Variants in UBAC1 observed in about 807,000 individuals in gnomAD.
UBAC1 encodes ubiquitin-associated domain-containing protein 1.
Under a neutral mutation model 45.9 loss-of-function variants are expected in UBAC1, and 27 were observed. That is an observed-to-expected ratio of 0.59 (90% CI 0.43 to 0.81). UBAC1 has a LOEUF of 0.81. Among genes scored for constraint, UBAC1 ranks in the 30% least tolerant of loss-of-function variants. The pLI, the probability that UBAC1 is intolerant of heterozygous loss-of-function variation, is 0.00. For missense variants in UBAC1, 529 were observed against 539.2 expected (o/e 0.98, Z 0.19); for synonymous variants, 227 against 215.5 (o/e 1.05, Z -0.47).
intron 1 of UBAC1, among the ~76,000 whole-genome samples, chr9:135,958,844 T>C (rs1839498018): frequency 6.6e-6 from 1 of 152,214 alleles, no homozygotes; most frequent in African/African-American, 2.4e-5. Context: ...GAAATGTATG[T>C]CGGCTCTTGC....
At chr9:135,936,394 T>C (rs1839203247) in intron 9 of UBAC1, among the ~76,000 whole-genome samples, 1 of 152,158 alleles carries the variant, frequency 6.6e-6, no homozygotes, top group African/African-American at 2.4e-5. Context: ...CACATACTTC[T>C]AGGTAGATTA....
chr9:135,952,379 G>A (rs1438552915), intron 3 of UBAC1, among the ~76,000 whole-genome samples: 3 of 152,268 alleles, frequency 2.0e-5, no homozygotes, highest in African/African-American at 7.2e-5. Flanking sequence ...GTAATGCAAA[G>A]ACAGCAGAGG....
At chr9:135,955,052 C>G (rs1263339824) in intron 2 of UBAC1, among the ~76,000 whole-genome samples, 1 of 152,222 alleles carries the variant, frequency 6.6e-6, no homozygotes, top group Admixed American at 6.5e-5. Flanking sequence ...AAGCAAAATT[C>G]ACATTTGGCT....
At chr9:135,939,263 G>A (rs984123117) in intron 8 of UBAC1, among the ~76,000 whole-genome samples, 4 of 150,886 alleles carry the variant, frequency 2.7e-5, no homozygotes, top group Admixed American at 6.6e-5. Flanking sequence ...GTACATATAA[G>A]GCACCCTTTT....
chr9:135,935,440 G>A (rs539905017), intron 9 of UBAC1, among the ~76,000 whole-genome samples: 1 of 152,224 alleles, frequency 6.6e-6, no homozygotes, highest in African/African-American at 2.4e-5. Flanking sequence ...GAAGCCAGGA[G>A]TTCAAGACTA....
At chr9:135,958,673 T>C (rs2131096624) in intron 1 of UBAC1, among the ~76,000 whole-genome samples, 1 of 152,290 alleles carries the variant, frequency 6.6e-6, no homozygotes, top group Non-Finnish European at 1.5e-5. Flanking sequence ...CAGACCTCAC[T>C]GCCTACAGCA....
chr9:135,944,907 C>G, intron 7 of UBAC1, 121 bp downstream of exon 7: 5 of 1,009,856 alleles, frequency 5.0e-6, no homozygotes. Flanking sequence ...GCTTCTCTCT[C>G]TCCTGGGACA....
chr9:135,961,294 G>A lies in UBAC1; in HGVS notation c.-132C>T, dbSNP rs1331936138. 3 of 784,810 alleles carry A rather than the reference G, an allele frequency of 3.8e-6. No individual in the cohort carries two copies. Among genetic ancestry groups the A allele is most frequent in the Non-Finnish European group, 4.8e-6 (3 of 629,470 alleles). The allele number at this position is 784,810 out of a possible 1,614,324, so 48.6% of individuals were successfully genotyped here. On this transcript the variant is annotated 5_prime_UTR_variant, in exon 1 of 10. It adds an upstream start codon to the 5' untranslated region. Transcript: ENST00000371756. Reference sequence around the variant, plus strand: ...GGGCCGCCGCCCCGCCCCGGCTCCCGTCGGCCGGGCCGCCGTCACTCTCCG... The same window carrying A: ...GGGCCGCCGCCCCGCCCCGGCTCCCATCGGCCGGGCCGCCGTCACTCTCCG...
intron 3 of UBAC1, 97 bp from the exon 4 acceptor site, chr9:135,948,002 C>T (rs1025283019): frequency 6.8e-6 from 8 of 1,177,242 alleles, no homozygotes; most frequent in African/African-American, 4.6e-5. Flanking sequence ...AGAAAGACTC[C>T]GTCTCCTTTA....
intron 3 of UBAC1, among the ~76,000 whole-genome samples, chr9:135,952,599 C>T (rs1305655008): frequency 2.0e-5 from 3 of 152,236 alleles, no homozygotes; most frequent in African/African-American, 7.2e-5. Flanking sequence ...GAATCAATAA[C>T]GTGTGAGTGA....
intron 4 of UBAC1, 128 bp downstream of exon 4, chr9:135,947,670 C>G (rs904611544): frequency 1.4e-6 from 1 of 696,438 alleles, no homozygotes. Context: ...CCTACAGACC[C>G]GCTCACCGGC....
At chr9:135,957,661 T>C (rs1839483192) in intron 1 of UBAC1, among the ~76,000 whole-genome samples, 2 of 151,846 alleles carry the variant, frequency 1.3e-5, no homozygotes, top group Admixed American at 1.3e-4. Context: ...TGCTTGTACC[T>C]GATGCAACCT....
rs576245099 is a variant in UBAC1, at chr9:135,948,003, G to A, written c.334-98C>T. On this transcript the variant is annotated intron_variant, in intron 3 of 9. Coordinates refer to ENST00000371756, the MANE Select transcript of UBAC1 (RefSeq NM_016172.3). ...CGGAGCTCTGCCCAAGAAAGACTCCGTCTCCTTTAGGAGCCAGAGGTGTAA... is the reference window on the plus strand; with the variant it reads ...CGGAGCTCTGCCCAAGAAAGACTCCATCTCCTTTAGGAGCCAGAGGTGTAA... 987 of 1,144,452 alleles carry A rather than the reference G, an allele frequency of 8.6e-4. 4 individuals are homozygous for A. The African/African-American group carries it at 0.013, about 16-fold the overall frequency. 70.9% of individuals were successfully genotyped at this position (1,144,452 alleles called of 1,614,324 possible).
chr9:135,938,134 C>T, intron 9 of UBAC1, 88 bp downstream of exon 9: 6 of 1,543,082 alleles, frequency 3.9e-6, no homozygotes, highest in Admixed American at 1.9e-5. Context: ...CTGGATCCTC[C>T]GTATCGCCTC....
intron 9 of UBAC1, among the ~76,000 whole-genome samples, chr9:135,937,000 G>A (rs1208616191): frequency 1.3e-5 from 2 of 152,190 alleles, no homozygotes; most frequent in Non-Finnish European, 2.9e-5. Context: ...GAGAAAAGCA[G>A]GCCAAACGCT....
At chr9:135,940,455 C>T (rs1839257590) in intron 7 of UBAC1, among the ~76,000 whole-genome samples, 1 of 151,794 alleles carries the variant, frequency 6.6e-6, no homozygotes, top group Non-Finnish European at 1.5e-5. Context: ...TGGCAGGCGC[C>T]TGTAGTCCCA....
chr9:135,961,036 A>G lies in UBAC1; in HGVS notation c.127T>C (p.Cys43Arg). 1 of 1,567,188 alleles carries G rather than the reference A, an allele frequency of 6.4e-7. No homozygotes were observed. Among genetic ancestry groups the G allele is most frequent in the Non-Finnish European group, 8.6e-7 (1 of 1,162,312 alleles). ...DTSVEKLKER[C>R]LKHCAHGSLE... Reference sequence around the variant, plus strand: ...GGGCCCGGCCTTACGTGCTTGAGGCAGCGCTCCTTGAGCTTCTCCACCGAG... The same window carrying G: ...GGGCCCGGCCTTACGTGCTTGAGGCGGCGCTCCTTGAGCTTCTCCACCGAG... The change falls in exon 1 of 10, where the codon TGC becomes CGC. Residue 43 changes from cysteine (C) to arginine (R), a missense_variant. Coordinates refer to ENST00000371756, the MANE Select transcript of UBAC1 (RefSeq NM_016172.3).
Position 135,945,880 on chromosome 9 carries a change from C to A in UBAC1, c.653+9G>T. ...CTCCGGCAAGGGAAGGAGGTGGCCC[C>A]CCACGCACTGGTTCAGCTGAAGGGC... On this transcript the variant is annotated intron_variant, in intron 6 of 9. Coordinates refer to ENST00000371756, the MANE Select transcript of UBAC1 (RefSeq NM_016172.3). 6.2e-7 allele frequency: 1 copy of A among 1,613,160 alleles called. No homozygotes were observed. Among genetic ancestry groups the A allele is most frequent in the Non-Finnish European group, 8.5e-7 (1 of 1,179,366 alleles).
chr9:135,945,106 G>T lies in UBAC1; in HGVS notation c.798C>A (p.Thr266=), dbSNP rs147518190. Residue 266 remains threonine (T), a synonymous_variant, in exon 7 of 10, where the codon ACC becomes ACA. Transcript: ENST00000371756. ...ASEAAAGASA[T]DEEARDELTE... ...TCAGCTCATCTCTGGCCTCCTCATC[G>T]GTGGCGCTGGCTCCCGCGGCAGCCT... is the stretch of plus-strand genomic sequence containing the variant. 33 of 1,614,086 alleles carry T rather than the reference G, an allele frequency of 2.0e-5. No homozygotes were observed. In the East Asian group the frequency reaches 6.0e-4, roughly 29 times the overall value.
Sources: gnomAD v4.1 joint callset for allele counts (sites outside exome capture counted in the v4.1 genomes callset) on GRCh38, gnomAD v4.1.1 for gene constraint, MANE v1.5 for transcripts, NCBI Gene and HGNC (gene_info 2026-07-23, HGNC 2026-07-21) for gene names.